Variants in STKLD1 observed in about 807,000 individuals in gnomAD.
STKLD1 encodes the protein serine/threonine kinase-like domain-containing protein STKLD1.
STKLD1 carries 79 observed loss-of-function variants against 80.4 expected under a neutral mutation model. That is an observed-to-expected ratio of 0.98 (90% confidence interval 0.82 to 1.19). The LOEUF is 1.19. STKLD1 is among the 50% of genes most tolerant of loss of function. The probability of loss-of-function intolerance (pLI) is 0.00; values close to 1 mark genes in which losing one functional copy is unlikely to be tolerated. For missense variants in STKLD1, 841 were observed against 856.0 expected, an observed-to-expected ratio of 0.98 and a Z score of 0.22; for synonymous variants, 393 against 357.6, an observed-to-expected ratio of 1.10 and a Z score of -1.12.
At chr9:133,399,036 T>G (rs2130681662) in intron 11 of STKLD1, among the ~76,000 whole-genome samples, 1 of 152,214 alleles carries the variant, frequency 6.6e-6, no homozygotes, top group East Asian at 1.9e-4. Context: ...GTATTTTTAT[T>G]AGAGAGGGGG....
At chr9:133,393,102 G>T (rs1183560723) in intron 7 of STKLD1, among the ~76,000 whole-genome samples, 13 of 116,664 alleles carry the variant, frequency 1.1e-4, no homozygotes, top group African/African-American at 3.3e-4. Flanking sequence ...TGTGTGGATG[G>T]ATGTGTGGGT....
chr9:133,404,584 G>A (rs2130693421), intron 16 of STKLD1, among the ~76,000 whole-genome samples: 2 of 152,314 alleles, frequency 1.3e-5, no homozygotes, highest in African/African-American at 4.8e-5. Flanking sequence ...TGGCTCTGGG[G>A]GGGCTGCCTC....
chr9:133,393,178 GATTGGATGAGTGC>G (rs1478563117), intron 7 of STKLD1, among the ~76,000 whole-genome samples: 30 of 141,164 alleles, frequency 2.1e-4, no homozygotes, highest in African/African-American at 7.2e-4. Context: ...TGAGTGGATG[GATTGGATGAGTGC>G]ATGGATGGAT....
At position 133,397,236 on chromosome 9, in the gene STKLD1, G is replaced by A. The variant is rs113183866; in HGVS notation, c.939G>A (p.Gln313=). The change falls in exon 10 of 18, where the codon CAG becomes CAA. Residue 313 remains glutamine, a synonymous_variant. Transcript: ENST00000371957. ...GCGTCTCTCTGACCCTGCACCGGCA[G>A]ATGGTGCCTGCGTCCATCACCGACA... ...SSCVSLTLHR[Q]MVPASITDML... 2 of 1,613,798 alleles carry A rather than the reference G, an allele frequency of 1.2e-6. No homozygotes were observed. The highest frequency in any genetic ancestry group is 2.2e-5 in the South Asian group (2 of 91,080).
chr9:133,391,001 G>A (rs1838377696), intron 7 of STKLD1, among the ~76,000 whole-genome samples: 1 of 152,226 alleles, frequency 6.6e-6, no homozygotes, highest in African/African-American at 2.4e-5. Context: ...GGCAGAGGCA[G>A]GGCCCCACAG....
chr9:133,385,858 T>G lies in STKLD1; in HGVS notation c.294+167T>G, dbSNP rs2130275811. Among the ~76,000 whole-genome samples, 9 of 151,782 alleles carry G rather than the reference T, an allele frequency of 5.9e-5. No individual in the cohort carries two copies. Among genetic ancestry groups the G allele is most frequent in the Non-Finnish European group, 1.0e-4 (7 of 67,956 alleles). ...TGACCTAACACTCACTGGGGCCAGG[T>G]ACCATGCTGGGGGCTTTCGGTGCAT... On this transcript the variant is annotated intron_variant, in intron 4 of 17. Transcript: ENST00000371957. The surrounding 1 kb of genome is among the most constrained non-coding windows in gnomAD (Gnocchi z 4.9).
rs1041551818 is a variant in STKLD1 at position 133,389,059 on chromosome 9, G to A, written c.397-467G>A. 7.0e-5 allele frequency: 69 copies of A among 985,190 alleles called. No individual in the cohort carries two copies. Among genetic ancestry groups the A allele is most frequent in the Non-Finnish European group, 1.2e-5 (10 of 829,892 alleles). The allele number at this position is 985,190 out of a possible 1,614,324, so 61.0% of individuals were successfully genotyped here. On this transcript the variant is annotated intron_variant, in intron 5 of 17. Transcript: ENST00000371957. This position sits in a 1 kb window ranked among gnomAD's most constrained non-coding sequence, Gnocchi z 6.4. ...GCCCAGCTTTAGAATCACCGCGCTG[G>A]GTACTCGATGGAGCTTGTCTCTGAT...
intron 10 of STKLD1, 134 bp downstream of exon 10, chr9:133,397,428 AAC>A (rs1838590630): frequency 4.1e-6 from 5 of 1,212,324 alleles, no homozygotes; most frequent in Non-Finnish European, 3.4e-6. Flanking sequence ...AGTGGGTAGG[AAC>A]AGTTTCCCTC....
Position 133,402,966 on chromosome 9 carries a change from C to T in STKLD1, c.1428C>T (p.Asp476=), listed in dbSNP as rs782094247. ...EHLNSSLESR[D]VCASGLGLLW... ...TCAACAGCTCCCTCGAAAGCAGGGA[C>T]GTCTGCGCCAGCGGCCTGGGCCTGC... The change falls in exon 14 of 18, where the codon GAC becomes GAT. Residue 476 remains aspartate, a synonymous_variant. Coordinates refer to ENST00000371957, the MANE Select transcript of STKLD1 (RefSeq NM_153710.5). 1.3e-5 allele frequency: 21 copies of T among 1,579,876 alleles called. 1 individual carries two copies. The Admixed American group carries it at 1.4e-4, about 11-fold the overall frequency.
chr9:133,404,441 G>A (rs1050775543), intron 16 of STKLD1, among the ~76,000 whole-genome samples: 43 of 152,132 alleles, frequency 2.8e-4, no homozygotes, highest in African/African-American at 9.4e-4. Flanking sequence ...CACAACCGAC[G>A]CTCGGCCCAC....
intron 13 of STKLD1, 100 bp downstream of exon 13, chr9:133,401,978 A>G: frequency 6.8e-7 from 1 of 1,462,710 alleles, no homozygotes; most frequent in Non-Finnish European, 9.2e-7. Context: ...GTTGGACAGG[A>G]CAGTGCTGGG....
chr9:133,396,349 C>T (rs192968860), intron 9 of STKLD1, among the ~76,000 whole-genome samples: 227 of 151,986 alleles, frequency 1.5e-3, no homozygotes, highest in African/African-American at 5.4e-3. Context: ...GCAGGAGGAT[C>T]GCTCGAGCCC....
chr9:133,392,269 C>T (rs907524933), intron 7 of STKLD1, among the ~76,000 whole-genome samples: 2 of 151,872 alleles, frequency 1.3e-5, no homozygotes, highest in East Asian at 3.9e-4. Flanking sequence ...TTAGTAGAGA[C>T]CGGGTTTCAC....
At chr9:133,386,816 C>A (rs2130278219) in intron 4 of STKLD1, among the ~76,000 whole-genome samples, 27 of 152,202 alleles carry the variant, frequency 1.8e-4, no homozygotes, top group Non-Finnish European at 3.2e-4. Flanking sequence ...TTCTGCCAGG[C>A]GCCAGCCTGC....
Position 133,387,358 on chromosome 9 carries a change from G to T in STKLD1, c.295-89G>T. The T allele has an allele frequency of 3.9e-6, 4 of 1,032,004 alleles. No individual in the cohort carries two copies. In the South Asian group the frequency reaches 4.2e-5, roughly 11 times the overall value. The allele number at this position is 1,032,004 out of a possible 1,614,324, so 63.9% of individuals were successfully genotyped here. A position where few individuals can be genotyped will look rare whatever the true frequency, so the allele number is the denominator to read the frequency against. ...GCTCCCACGGCCACTGCAAATGGCAGCTGAGCGCAGGGAGGCCCTGGAGCA... is the reference window on the plus strand; with the variant it reads ...GCTCCCACGGCCACTGCAAATGGCATCTGAGCGCAGGGAGGCCCTGGAGCA... On this transcript the variant is annotated intron_variant, in intron 4 of 17. Transcript: ENST00000371957.
In STKLD1 at chr9:133,394,749, A is replaced by AT; in HGVS notation, c.702+340_702+341insT. The AT allele has an allele frequency of 6.6e-6, 2 of 302,950 alleles. No individual in the cohort carries two copies. The highest frequency in any genetic ancestry group is 4.5e-5 in the South Asian group (1 of 21,996). The allele number at this position is 302,950 out of a possible 1,614,324, so 18.8% of individuals were successfully genotyped here. A position where few individuals can be genotyped will look rare whatever the true frequency, so the allele number is the denominator to read the frequency against. ...AGCATGAAGGCTGCACGGAGTTGCA[A>AT]GCAACGGGAACCCAGTGTGGGCCTG... On this transcript the variant is annotated intron_variant, in intron 8 of 17. Coordinates refer to ENST00000371957, the MANE Select transcript of STKLD1 (RefSeq NM_153710.5). This position sits in a 1 kb window ranked among gnomAD's most constrained non-coding sequence, Gnocchi z 4.9.
intron 9 of STKLD1, 128 bp downstream of exon 9, chr9:133,395,891 C>A (rs892760472): frequency 8.3e-6 from 8 of 961,478 alleles, no homozygotes; most frequent in African/African-American, 1.6e-5. Flanking sequence ...CCCTGATTAT[C>A]CCTGCACAGC....
rs2130248529 is a variant in STKLD1 at position 133,376,493 on chromosome 9, A to G, written c.20A>G (p.Asn7Ser). The stretch of plus-strand genomic sequence containing the variant: ...CTGATCATGCTTGGGCCAGGGTCCA[A>G]TCGCAGGCGCCCCACGCAGGGGGAG... MLGPGS[N>S]RRRPTQGERG... is the part of the protein sequence containing the mutation. The change falls in exon 1 of 18, where the codon AAT (asparagine) becomes AGT (serine). Residue 7 changes from asparagine (N) to serine (S), a missense_variant. Physicochemically the swap from Asn to Ser is conservative, Grantham distance 46. Transcript: ENST00000371957. 4 of 1,595,660 alleles carry G rather than the reference A, an allele frequency of 2.5e-6. No individual in the cohort carries two copies. The highest frequency in any genetic ancestry group is 2.7e-5 in the African/African-American group (2 of 74,354).
At chr9:133,402,039 C>G (rs1370656262) in intron 13 of STKLD1, among the ~76,000 whole-genome samples, 161 bp downstream of exon 13, 2 of 152,214 alleles carry the variant, frequency 1.3e-5, no homozygotes, top group Non-Finnish European at 2.9e-5. Context: ...TTGGCCACCC[C>G]AAATGCTGGT....
Sources: gnomAD v4.1 joint callset for allele counts (sites outside exome capture counted in the v4.1 genomes callset) on GRCh38, gnomAD v4.1.1 for gene constraint, Gnocchi (gnomAD v3.1) non-coding constraint, MANE v1.5 for transcripts, NCBI Gene and HGNC (gene_info 2026-07-23, HGNC 2026-07-21) for gene names.